OR56A3: variants seen among roughly 807,000 people sequenced by gnomAD.
The protein encoded by OR56A3 is olfactory receptor family 56 subfamily A member 3.
In OR56A3, 23 loss-of-function variants were observed where a neutral mutation model predicts 17.5. The observed-to-expected ratio is 1.32, with a 90% CI of 0.95 to 1.87. The LOEUF (loss-of-function observed/expected upper bound fraction) is 1.87. OR56A3 is among the 40% of genes most tolerant of loss of function. The pLI is 0.00. For missense variants in OR56A3, 366 were observed against 380.1 expected, an observed-to-expected ratio of 0.96 and a Z score of 0.31; for synonymous variants, 175 against 150.6, an observed-to-expected ratio of 1.16 and a Z score of -1.19.
At chr11:5,979,887 C>G in the OR56A3 span, among the ~76,000 whole-genome samples, 1 of 152,068 alleles carries the variant, frequency 6.6e-6, no homozygotes, top group Admixed American at 6.6e-5. Flanking sequence ...TATGTTATAT[C>G]TCTGTTCTCA....
At chr11:5,967,942 C>T in the OR56A3 span, 190 of 1,595,180 alleles carry the variant, frequency 1.2e-4, no homozygotes, top group Non-Finnish European at 1.5e-4. Context: ...GACACAGACA[C>T]GTTAGTACAG....
chr11:5,996,710 A>G, the OR56A3 span, among the ~76,000 whole-genome samples: 8 of 152,380 alleles, frequency 5.3e-5, no homozygotes, highest in East Asian at 1.5e-3. Context: ...CCAAATAGTC[A>G]GACTATACAA....
downstream of OR56A3, among the ~76,000 whole-genome samples, chr11:5,952,732 GTGCCAATGATTC>G (rs1478831118): frequency 6.6e-6 from 1 of 152,156 alleles, no homozygotes; most frequent in Non-Finnish European, 1.5e-5. Context: ...GGACTTTAGA[GTGCCAATGATTC>G]TGCCACCCAG....
chr11:6,016,090 A>G, the OR56A3 span, among the ~76,000 whole-genome samples: 1 of 152,194 alleles, frequency 6.6e-6, no homozygotes, highest in Non-Finnish European at 1.5e-5. Flanking sequence ...GTGGTTTCTC[A>G]TGAATGGTTT....
chr11:5,964,878 T>C, the OR56A3 span, among the ~76,000 whole-genome samples: 1 of 151,258 alleles, frequency 6.6e-6, no homozygotes, highest in African/African-American at 2.4e-5. Context: ...TCTCTCTCTT[T>C]GCACTGTTCC....
chr11:5,963,011 T>C, the OR56A3 span, among the ~76,000 whole-genome samples: 5 of 152,232 alleles, frequency 3.3e-5, no homozygotes, highest in Admixed American at 6.5e-5. Context: ...TTTCTCATGA[T>C]ACTTTGTATT....
chr11:5,986,724 C>A, the OR56A3 span: 1 of 1,613,770 alleles, frequency 6.2e-7, no homozygotes, highest in Admixed American at 1.7e-5. Flanking sequence ...AGGATGGGTC[C>A]ATCCAGATGA....
At chr11:5,957,501 C>T in the OR56A3 span, among the ~76,000 whole-genome samples, 1 of 152,082 alleles carries the variant, frequency 6.6e-6, no homozygotes, top group Non-Finnish European at 1.5e-5. Context: ...GTGGTTTCTC[C>T]ACTATCTTGT....
the OR56A3 span, among the ~76,000 whole-genome samples, chr11:5,982,247 G>A: frequency 3.3e-5 from 5 of 152,172 alleles, no homozygotes; most frequent in African/African-American, 7.2e-5. Context: ...TGGGGTCCAC[G>A]CATACGTGTG....
the OR56A3 span, among the ~76,000 whole-genome samples, chr11:6,018,724 CA>C: frequency 3.4e-5 from 5 of 146,374 alleles, no homozygotes; most frequent in Non-Finnish European, 7.5e-5. Context: ...CTCAAAAAGA[CA>C]AAAAATAAAG....
chr11:6,015,476 C>T, the OR56A3 span, among the ~76,000 whole-genome samples: 4 of 152,206 alleles, frequency 2.6e-5, no homozygotes, highest in African/African-American at 9.6e-5. Context: ...AACAGGGCCA[C>T]CATCCTCCAG....
At chr11:5,960,719 C>T in the OR56A3 span, among the ~76,000 whole-genome samples, 1 of 151,922 alleles carries the variant, frequency 6.6e-6, no homozygotes. Context: ...CCTGGCTGCC[C>T]ATCGTCTGGG....
chr11:5,986,625 C>T, the OR56A3 span: 1 of 1,613,836 alleles, frequency 6.2e-7, no homozygotes, highest in Admixed American at 1.7e-5. Flanking sequence ...GAACCAGGAG[C>T]ACTGCAAGGG....
chr11:6,002,040 C>A, the OR56A3 span: 1 of 1,542,638 alleles, frequency 6.5e-7, no homozygotes, highest in Non-Finnish European at 8.7e-7. Flanking sequence ...TGGATCTAAT[C>A]CTTTTTATTC....
chr11:6,015,051 C>G, the OR56A3 span, among the ~76,000 whole-genome samples: 1 of 125,424 alleles, frequency 8.0e-6, no homozygotes, highest in Non-Finnish European at 1.6e-5. Flanking sequence ...AAAAGGGAAG[C>G]AGAGCATAAA....
chr11:5,977,178 A>T, the OR56A3 span, among the ~76,000 whole-genome samples: 1 of 152,164 alleles, frequency 6.6e-6, no homozygotes, highest in Admixed American at 6.5e-5. Context: ...TGAACATTCA[A>T]ATGCATGTAT....
the OR56A3 span, among the ~76,000 whole-genome samples, chr11:5,996,031 A>G: frequency 6.6e-6 from 1 of 152,142 alleles, no homozygotes; most frequent in Non-Finnish European, 1.5e-5. Flanking sequence ...AGTGTCCTCC[A>G]GGCTCATCCA....
downstream of OR56A3, among the ~76,000 whole-genome samples, chr11:5,955,195 A>C (rs1390350814): frequency 6.6e-6 from 1 of 152,224 alleles, no homozygotes; most frequent in Non-Finnish European, 1.5e-5. Flanking sequence ...AATCTGTAGT[A>C]GTATGTAACT....
the OR56A3 span, among the ~76,000 whole-genome samples, chr11:6,016,147 T>A: frequency 1.3e-5 from 2 of 152,096 alleles, no homozygotes; most frequent in Non-Finnish European, 2.9e-5. Flanking sequence ...AATATTATCA[T>A]GAGATATGGT....
Sources: gnomAD v4.1 joint callset for allele counts (sites outside exome capture counted in the v4.1 genomes callset) on GRCh38, gnomAD v4.1.1 for gene constraint, MANE v1.5 for transcripts, NCBI Gene and HGNC (gene_info 2026-07-23, HGNC 2026-07-21) for gene names.